The following STRIP2 variants were observed in gnomAD, a reference collection of about 807,000 sequenced individuals.
The protein encoded by STRIP2 is striatin interacting protein 2.
A neutral mutation model predicts 107.1 loss-of-function variants in STRIP2; 84 were observed. That is an observed-to-expected ratio of 0.78 (90% CI 0.66 to 0.94). STRIP2 has a LOEUF of 0.94. STRIP2 is among the 40% of genes least tolerant of loss of function. The pLI, the probability that STRIP2 is intolerant of heterozygous loss-of-function variation, is 0.00. For missense variants in STRIP2, 888 were observed against 1,034.2 expected (o/e 0.86, Z 1.94); for synonymous variants, 394 against 400.4 (o/e 0.98, Z 0.19).
At chr7:129,441,261 C>T (rs1362954418) in intron 2 of STRIP2, among the ~76,000 whole-genome samples, 2 of 152,242 alleles carry the variant, frequency 1.3e-5, no homozygotes, top group South Asian at 2.1e-4. Context: ...CTTTTATGCA[C>T]TGCTAGACAT....
At position 129,458,124 on chromosome 7, in the gene STRIP2, A is replaced by G. The variant is rs753570983; in HGVS notation, c.1039-91A>G. On this transcript the variant is annotated intron_variant, in intron 9 of 20. Transcript: ENST00000249344. This position sits in a 1 kb window ranked among gnomAD's most constrained non-coding sequence, Gnocchi z 4.6. ...TGTGTTCAGATTCCATGTTCCCTGA[A>G]ATGTGGAGGCCTGTGGATATGGGGT... The G allele has an allele frequency of 1.1e-6, 1 of 947,144 alleles. No individual in the cohort carries two copies. Among genetic ancestry groups the G allele is most frequent in the South Asian group, 1.4e-5 (1 of 72,188 alleles). The allele number at this position is 947,144 out of a possible 1,614,324, so 58.7% of individuals were successfully genotyped here.
In STRIP2 at chr7:129,458,283, C is replaced by T. The variant is rs759273924; in HGVS notation, c.1107C>T (p.Pro369=). Residue 369 remains proline, a synonymous_variant, in exon 10 of 21, where the codon CCC becomes CCT. Coordinates refer to ENST00000249344, the MANE Select transcript of STRIP2 (RefSeq NM_020704.3). This position sits in a 1 kb window ranked among gnomAD's most constrained non-coding sequence, Gnocchi z 4.6. ...NERDLFKTEE[P]ATEEEEESAG... ...GGGATCTCTTCAAGACTGAGGAGCC[C>T]GCCACAGAGGAGGAAGAGGAGTCTG... is the stretch of plus-strand genomic sequence containing the variant. 1.3e-5 allele frequency: 21 copies of T among 1,614,028 alleles called. No individual in the cohort carries two copies. The highest frequency in any genetic ancestry group is 6.7e-5 in the Admixed American group (4 of 59,994).
rs550151369 is a variant in STRIP2, at chr7:129,441,014, A to AAT, written c.199+934_199+935dup. On this transcript the variant is annotated intron_variant, in intron 2 of 20. Coordinates refer to ENST00000249344, the MANE Select transcript of STRIP2 (RefSeq NM_020704.3). ...GAATTCATAATAGGAATATGATATA[A>AAT]ATATATATATATTTTAAAGAGAGGA... Among the ~76,000 whole-genome samples the AAT allele has an allele frequency of 1.4e-3, 220 of 152,028 alleles. 1 individual carries two copies. The highest frequency in any genetic ancestry group is 4.9e-3 in the African/African-American group (205 of 41,490).
At chr7:129,469,202 GAGTTGGAAGAGTGGTAGCAAC>G (rs1293466768) in intron 17 of STRIP2, among the ~76,000 whole-genome samples, 1 of 152,174 alleles carries the variant, frequency 6.6e-6, no homozygotes, top group Non-Finnish European at 1.5e-5. Flanking sequence ...GTTCAGTTTG[GAGTTGGAAGAGTGGTAGCAAC>G]AGACTACACC....
intron 4 of STRIP2, among the ~76,000 whole-genome samples, chr7:129,452,386 TA>T (rs546624435): frequency 3.6e-4 from 54 of 148,746 alleles, no homozygotes; most frequent in Middle Eastern, 7.0e-3. Flanking sequence ...AGTTGGGAGC[TA>T]AAAAAAAAAT....
At chr7:129,479,620 G>A (rs1417646964) in intron 18 of STRIP2, among the ~76,000 whole-genome samples, 2 of 151,240 alleles carry the variant, frequency 1.3e-5, no homozygotes, top group Non-Finnish European at 2.9e-5. Flanking sequence ...CTCCCAAGTA[G>A]CTGGGATTAC....
At chr7:129,482,447 A>G in intron 19 of STRIP2, among the ~76,000 whole-genome samples, 1 of 137,348 alleles carries the variant, frequency 7.3e-6, no homozygotes, top group Non-Finnish European at 1.5e-5. Flanking sequence ...GCATGATCTC[A>G]GCTCACTGCA....
intron 19 of STRIP2, among the ~76,000 whole-genome samples, chr7:129,482,375 A>ATTTTTTTT (rs1325271361): frequency 1.2e-5 from 1 of 80,110 alleles, no homozygotes; most frequent in African/African-American, 4.8e-5. Flanking sequence ...ATATATATAT[A>ATTTTTTTT]TATTTTTTTT....
chr7:129,477,581 A>AT (rs939016185), intron 18 of STRIP2, among the ~76,000 whole-genome samples: 4 of 151,602 alleles, frequency 2.6e-5, no homozygotes, highest in Non-Finnish European at 5.9e-5. Flanking sequence ...CAATCTTGAA[A>AT]TTTTTTTTTC....
At chr7:129,480,472 A>G (rs566673289) in intron 18 of STRIP2, among the ~76,000 whole-genome samples, 3 of 152,338 alleles carry the variant, frequency 2.0e-5, no homozygotes, top group African/African-American at 7.2e-5. Context: ...TATGGGGGTA[A>G]AATTCTCTCA....
chr7:129,450,873 G>A (rs1798166592), intron 3 of STRIP2, among the ~76,000 whole-genome samples: 1 of 134,602 alleles, frequency 7.4e-6, no homozygotes, highest in Admixed American at 7.5e-5. Context: ...TTTTAAAAGT[G>A]TTATGGAAGC....
intron 8 of STRIP2, 111 bp downstream of exon 8, chr7:129,455,482 C>A: frequency 7.5e-7 from 1 of 1,333,432 alleles, no homozygotes; most frequent in Non-Finnish European, 1.0e-6. Context: ...AACAGGCAGC[C>A]CTTAGCCAAC....
chr7:129,453,165 G>T (rs1798242574), intron 4 of STRIP2, 62 bp from the exon 5 acceptor site: 4 of 1,604,156 alleles, frequency 2.5e-6, no homozygotes, highest in Non-Finnish European at 3.4e-6. Context: ...TCATGGGGCA[G>T]GGTGGAAAGA....
Position 129,460,319 on chromosome 7 carries a change from G to A in STRIP2, c.1423G>A (p.Ala475Thr), listed in dbSNP as rs367686911. The A allele has an allele frequency of 1.5e-5, 24 of 1,613,902 alleles. No homozygotes were observed. Among genetic ancestry groups the A allele is most frequent in the East Asian group, 4.5e-5 (2 of 44,878 alleles). The change falls in exon 13 of 21, where the codon GCA (alanine) becomes ACA (threonine). Residue 475 changes from alanine to threonine, a missense_variant. By Grantham distance (58) the Ala-to-Thr change is moderately conservative. Transcript: ENST00000249344. The stretch of plus-strand genomic sequence containing the variant: ...TTGTCAGCACAAGTATATCTCCATC[G>A]CAGATGTGCAGATCAAGAATGAAGA... The part of the protein sequence containing the change: ...TLKQHKYISI[A>T]DVQIKNEEEL...
chr7:129,448,718 C>T (rs1020649057), intron 3 of STRIP2, among the ~76,000 whole-genome samples: 2 of 152,174 alleles, frequency 1.3e-5, no homozygotes, highest in African/African-American at 2.4e-5. Context: ...TAGCTATGCT[C>T]ACCTTGCCTT....
In STRIP2 at chr7:129,469,305, C is replaced by G. The variant is rs180827856; in HGVS notation, c.1878-1344C>G. 2.7e-4 allele frequency among the ~76,000 whole-genome samples: 41 copies of G among 152,360 alleles called. No homozygotes were observed. The East Asian group carries it at 7.5e-3, about 28-fold the overall frequency. ...TGTAAGTTTTACTTTTGAATGATCTCTGAGAACTTGGAGATCACAGCTCAT... is the reference window on the plus strand; with the variant it reads ...TGTAAGTTTTACTTTTGAATGATCTGTGAGAACTTGGAGATCACAGCTCAT... On this transcript the variant is annotated intron_variant, in intron 17 of 20. Transcript: ENST00000249344.
chr7:129,454,463 C>T lies in STRIP2; in HGVS notation c.642C>T (p.Arg214=), dbSNP rs150523481. ...TGTACCTAATGGTGGAAAATATTCG[C>T]CTGGAGCGAGAGACAGACCCCTGTG... ...SVMYLMVENI[R]LERETDPCGW... The change falls in exon 7 of 21, where the codon CGC becomes CGT. Residue 214 remains arginine, a synonymous_variant. Transcript: ENST00000249344. The T allele has an allele frequency of 1.9e-4, 308 of 1,614,056 alleles. No individual in the cohort carries two copies. In the Middle Eastern group the frequency reaches 2.5e-3, roughly 13 times the overall value.
In STRIP2 at chr7:129,439,217, A is replaced by G. The variant is rs116578665; in HGVS notation, c.130-805A>G. On this transcript the variant is annotated intron_variant, in intron 1 of 20. Transcript: ENST00000249344. ...CTCATTATGAATAACTGACACTCCT[A>G]TCACTCAGGAACTTCTAAGAGTTTC... is the stretch of plus-strand genomic sequence containing the variant. 6.3e-3 allele frequency among the ~76,000 whole-genome samples: 961 copies of G among 152,324 alleles called. 9 individuals carry two copies. The highest frequency in any genetic ancestry group is 0.022 in the African/African-American group (929 of 41,564).
rs968100315 is a variant in STRIP2, at chr7:129,458,947, T to C, written c.1340+170T>C. On this transcript the variant is annotated intron_variant, in intron 11 of 20. Coordinates refer to ENST00000249344, the MANE Select transcript of STRIP2 (RefSeq NM_020704.3). This position sits in a 1 kb window ranked among gnomAD's most constrained non-coding sequence, Gnocchi z 4.6. Reference sequence around the variant, plus strand: ...GGGTTCTTTCTATGGATTTCTTTTTTCCTTGAGTTTCTTCCACTTTTCCTC... The same window carrying C: ...GGGTTCTTTCTATGGATTTCTTTTTCCCTTGAGTTTCTTCCACTTTTCCTC... 3.3e-5 allele frequency among the ~76,000 whole-genome samples: 5 copies of C among 152,226 alleles called. No homozygotes were observed. In the East Asian group the frequency reaches 9.6e-4, roughly 29 times the overall value.
Sources: gnomAD v4.1 joint callset for allele counts (sites outside exome capture counted in the v4.1 genomes callset) on GRCh38, gnomAD v4.1.1 for gene constraint, Gnocchi (gnomAD v3.1) non-coding constraint, MANE v1.5 for transcripts, NCBI Gene and HGNC (gene_info 2026-07-23, HGNC 2026-07-21) for gene names.